RSRC1: variants seen among roughly 807,000 people sequenced by gnomAD.
RSRC1 encodes the protein serine/Arginine-related protein 53.
RSRC1 carries 39 observed loss-of-function variants against 49.1 expected under a neutral mutation model. The observed-to-expected ratio is 0.79, with a 90% confidence interval of 0.61 to 1.04. The LOEUF is 1.04. Among genes scored for constraint, RSRC1 ranks in the 50% least tolerant of loss-of-function variants. RSRC1 has a pLI of 0.00. For missense variants in RSRC1, 388 were observed against 402.4 expected (o/e 0.96, Z 0.31); for synonymous variants, 143 against 130.8 (o/e 1.09, Z -0.63).
chr3:158,216,231 T>C (rs1368606503), intron 4 of RSRC1, among the ~76,000 whole-genome samples: 6 of 151,402 alleles, frequency 4.0e-5, no homozygotes, highest in Admixed American at 4.0e-4. Flanking sequence ...AAGTTCTGGG[T>C]TTCTGGTTTT....
intron 5 of RSRC1, among the ~76,000 whole-genome samples, chr3:158,328,631 G>A (rs1366192175): frequency 6.6e-6 from 1 of 152,094 alleles, no homozygotes; most frequent in Non-Finnish European, 1.5e-5. Flanking sequence ...TCCCTTTGTG[G>A]GTAACCCAAC....
rs368789981 is a variant in RSRC1, at chr3:158,473,163, G to A, written c.652+12160G>A. ...ATATGACCCAGCTATCCCATTACTG[G>A]GTATATACCCAAAGCATATAAATCA... is the stretch of plus-strand genomic sequence containing the variant. On this transcript the variant is annotated intron_variant, in intron 7 of 9. Transcript: ENST00000611884. Among the ~76,000 whole-genome samples, 7 of 151,984 alleles carry A rather than the reference G, an allele frequency of 4.6e-5. No individual in the cohort carries two copies. The East Asian group carries it at 1.3e-3, about 29-fold the overall frequency.
chr3:158,211,712 A>T (rs1207416898), intron 4 of RSRC1, among the ~76,000 whole-genome samples: 1 of 151,940 alleles, frequency 6.6e-6, no homozygotes, highest in Non-Finnish European at 1.5e-5. Context: ...TTTGAACTTT[A>T]AATTTATTAT....
At chr3:158,147,451 A>G (rs1038594261) in intron 3 of RSRC1, among the ~76,000 whole-genome samples, 1 of 151,264 alleles carries the variant, frequency 6.6e-6, no homozygotes, top group Non-Finnish European at 1.5e-5. Flanking sequence ...GTATTTACCT[A>G]TCTCCACATT....
intron 7 of RSRC1, among the ~76,000 whole-genome samples, chr3:158,480,794 G>A (rs574023040): frequency 1.1e-4 from 17 of 152,090 alleles, no homozygotes; most frequent in African/African-American, 3.9e-4. Flanking sequence ...TGATTACAGA[G>A]CATCACTGGC....
rs570214770 is a variant in RSRC1, at chr3:158,396,303, A to G, written c.583+41395A>G. ...AACCCCCATGACATGCAATTTACCT[A>G]TATAGCAAATCTAGACACGTACCCC... On this transcript the variant is annotated intron_variant, in intron 6 of 9. Transcript: ENST00000611884. Among the ~76,000 whole-genome samples, 52 of 152,124 alleles carry G rather than the reference A, an allele frequency of 3.4e-4. 1 individual carries two copies. The highest frequency in any genetic ancestry group is 3.4e-3 in the Middle Eastern group (1 of 294).
At chr3:158,481,126 A>G (rs1361261229) in intron 7 of RSRC1, among the ~76,000 whole-genome samples, 2 of 152,200 alleles carry the variant, frequency 1.3e-5, no homozygotes, top group East Asian at 1.9e-4. Flanking sequence ...GCTAGGAAGT[A>G]GTGTCGTTTA....
At chr3:158,362,264 G>A (rs7613676) in intron 6 of RSRC1, among the ~76,000 whole-genome samples, 2,923 of 152,210 alleles carry the variant, frequency 0.019, 76 homozygotes, top group African/African-American at 0.067. Context: ...GCTTGTGCCC[G>A]AGTGAAGTCA....
intron 6 of RSRC1, among the ~76,000 whole-genome samples, chr3:158,376,400 T>G (rs9874003): frequency 0.52 from 79,060 of 151,384 alleles, 21,034 homozygotes; most frequent in African/African-American, 0.61. Flanking sequence ...GACCTCAGGT[T>G]ATCTGCCTGC....
intron 4 of RSRC1, among the ~76,000 whole-genome samples, chr3:158,221,151 C>T (rs1722203553): frequency 6.6e-6 from 1 of 151,496 alleles, no homozygotes; most frequent in African/African-American, 2.4e-5. Context: ...TCGGTTTCTA[C>T]TTCAGATCTT....
chr3:158,219,583 G>T (rs698980), intron 4 of RSRC1, among the ~76,000 whole-genome samples: 86,515 of 151,294 alleles, frequency 0.57, 25,099 homozygotes, highest in East Asian at 0.73. Flanking sequence ...CTGGCTAAAA[G>T]AAATATAAAT....
chr3:158,487,949 G>GAAAAAAAAAAA (rs58689210), intron 7 of RSRC1, among the ~76,000 whole-genome samples: 1,463 of 28,920 alleles, frequency 0.051, 203 homozygotes, highest in African/African-American at 0.054. Flanking sequence ...TCCATCTCAA[G>GAAAAAAAAAAA]AAAAAAAAAA....
chr3:158,359,892 C>A (rs116671456), intron 6 of RSRC1, among the ~76,000 whole-genome samples: 1 of 152,172 alleles, frequency 6.6e-6, no homozygotes, highest in Non-Finnish European at 1.5e-5. Flanking sequence ...AGCAATAGAA[C>A]AGCTCAGAGG....
intron 3 of RSRC1, among the ~76,000 whole-genome samples, chr3:158,202,870 A>G (rs1437318040): frequency 6.6e-6 from 1 of 152,052 alleles, no homozygotes; most frequent in African/African-American, 2.4e-5. Flanking sequence ...TTTCCTATAA[A>G]GTTAGCATAT....
intron 6 of RSRC1, among the ~76,000 whole-genome samples, chr3:158,416,991 T>A (rs1734770183): frequency 6.6e-6 from 1 of 152,082 alleles, no homozygotes; most frequent in Non-Finnish European, 1.5e-5. Flanking sequence ...ATATTTCTTA[T>A]AATTTTCACT....
At chr3:158,249,111 A>C (rs1416787723) in intron 4 of RSRC1, among the ~76,000 whole-genome samples, 1 of 152,118 alleles carries the variant, frequency 6.6e-6, no homozygotes, top group Non-Finnish European at 1.5e-5. Context: ...TGTCTAGTCA[A>C]TATTTCTCCT....
chr3:158,471,610 T>G (rs1738137699), intron 7 of RSRC1, among the ~76,000 whole-genome samples: 1 of 152,232 alleles, frequency 6.6e-6, no homozygotes, highest in East Asian at 1.9e-4. Flanking sequence ...AAAAATACCT[T>G]TATAATTTTA....
At chr3:158,416,590 T>G (rs1734748648) in intron 6 of RSRC1, among the ~76,000 whole-genome samples, 1 of 152,024 alleles carries the variant, frequency 6.6e-6, no homozygotes, top group Non-Finnish European at 1.5e-5. Flanking sequence ...TTCAGAGGAA[T>G]CCAGTCCCTA....
chr3:158,231,447 T>C (rs1722950430), intron 4 of RSRC1, among the ~76,000 whole-genome samples: 1 of 152,044 alleles, frequency 6.6e-6, no homozygotes. Context: ...AGTTATTTTA[T>C]GTAGTTATTT....
Sources: allele counts gnomAD v4.1 joint callset (sites outside exome capture counted in the v4.1 genomes callset), GRCh38; gene constraint gnomAD v4.1.1; transcripts MANE v1.5; gene names NCBI Gene and HGNC (gene_info 2026-07-23, HGNC 2026-07-21).